Variants in SMPD3 observed in about 807,000 individuals in gnomAD.
SMPD3 encodes the protein nSMase-2.
In SMPD3, 21 loss-of-function variants were observed where a neutral mutation model predicts 55.7. The observed-to-expected ratio is 0.38, with a 90% CI of 0.27 to 0.54. The LOEUF is 0.54. Among genes scored for constraint, SMPD3 ranks in the 20% least tolerant of loss-of-function variants. The probability of loss-of-function intolerance (pLI) is 0.80; values close to 1 mark genes in which losing one functional copy is unlikely to be tolerated. For synonymous variants in SMPD3, 457 were observed against 404.3 expected (o/e 1.13, Z -1.56); for missense variants, 842 against 899.6 (o/e 0.94, Z 0.82).
intron 1 of SMPD3, among the ~76,000 whole-genome samples, chr16:68,400,059 A>C (rs1314306681): frequency 6.6e-6 from 1 of 152,202 alleles, no homozygotes; most frequent in Non-Finnish European, 1.5e-5. Context: ...AAAGCATGCT[A>C]CCAAGATCAC....
chr16:68,425,365 A>G (rs2090427722), intron 1 of SMPD3, among the ~76,000 whole-genome samples: 3 of 152,232 alleles, frequency 2.0e-5, no homozygotes, highest in African/African-American at 7.2e-5. Context: ...CAGGGGCAAG[A>G]GCCCTGCATG....
chr16:68,439,063 A>G (rs199669061), intron 1 of SMPD3, among the ~76,000 whole-genome samples: 7 of 152,176 alleles, frequency 4.6e-5, no homozygotes, highest in Non-Finnish European at 1.0e-4. Context: ...GAGGGTTAGT[A>G]TTGTCTCTAA....
At chr16:68,418,839 G>A (rs1345380989) in intron 1 of SMPD3, among the ~76,000 whole-genome samples, 1 of 152,196 alleles carries the variant, frequency 6.6e-6, no homozygotes, top group Non-Finnish European at 1.5e-5. Flanking sequence ...GTCTAAAGAT[G>A]GGTCTGGACT....
intron 2 of SMPD3, among the ~76,000 whole-genome samples, chr16:68,372,638 A>T (rs1393499428): frequency 1.3e-5 from 2 of 152,162 alleles, no homozygotes; most frequent in Non-Finnish European, 2.9e-5. Context: ...AACCATCTTG[A>T]CCTTGTAACC....
chr16:68,397,293 G>T (rs903518724), intron 1 of SMPD3, among the ~76,000 whole-genome samples: 2 of 152,206 alleles, frequency 1.3e-5, no homozygotes, highest in Admixed American at 6.5e-5. Flanking sequence ...GGGATTCAAG[G>T]TGGATGCTGC....
At chr16:68,389,883 G>A (rs544818284) in intron 1 of SMPD3, among the ~76,000 whole-genome samples, 3 of 152,348 alleles carry the variant, frequency 2.0e-5, no homozygotes, top group South Asian at 2.1e-4. Context: ...CTGGGACCTT[G>A]CACAGGAAAG....
In SMPD3 at chr16:68,404,844, T is replaced by C. The variant is rs959636629; in HGVS notation, c.-268-18185A>G. 2.0e-5 allele frequency among the ~76,000 whole-genome samples: 3 copies of C among 152,196 alleles called. No homozygotes were observed. In the South Asian group the frequency reaches 6.2e-4, roughly 32 times the overall value. On this transcript the variant is annotated intron_variant, in intron 1 of 8. Transcript: ENST00000219334. This position sits in a 1 kb window ranked among gnomAD's most constrained non-coding sequence, Gnocchi z 4.0. ...TCTACTCCAGTGACTTGGAACACTG[T>C]GTGGGAGACTTGTCCTTGGCAGCAG...
chr16:68,417,387 G>C (rs1432363729), intron 1 of SMPD3, among the ~76,000 whole-genome samples: 2 of 152,206 alleles, frequency 1.3e-5, no homozygotes, highest in Non-Finnish European at 1.5e-5. Flanking sequence ...TGGGTTGATT[G>C]ATAGCCTCTT....
At position 68,361,651 on chromosome 16, in the gene SMPD3, G is replaced by T. The variant is rs773382881; in HGVS notation, c.1818C>A (p.Ile606=). The T allele has an allele frequency of 1.2e-6, 2 of 1,611,780 alleles. No individual in the cohort carries two copies. Among genetic ancestry groups the T allele is most frequent in the Non-Finnish European group, 1.7e-6 (2 of 1,179,974 alleles). ...CCTCCTCTGCATGCAGCATGTAGTC[G>T]ATGCGCCGGCCGTTGCCCTTCAGCA... ...KELLKGNGRR[I]DYMLHAEEGL... is the part of the protein sequence containing the mutation. Residue 606 remains isoleucine, a synonymous_variant, in exon 8 of 9, where the codon ATC becomes ATA. Coordinates refer to ENST00000219334, the MANE Select transcript of SMPD3 (RefSeq NM_018667.4).
At chr16:68,396,993 T>C (rs1286081054) in intron 1 of SMPD3, among the ~76,000 whole-genome samples, 1 of 152,204 alleles carries the variant, frequency 6.6e-6, no homozygotes, top group African/African-American at 2.4e-5. Context: ...GCACAACGTC[T>C]TGTTTCATCC....
intron 6 of SMPD3, 62 bp downstream of exon 6, chr16:68,363,715 G>A: frequency 6.7e-7 from 1 of 1,498,044 alleles, no homozygotes; most frequent in Non-Finnish European, 9.0e-7. Context: ...AGGTCCTGGT[G>A]ATCTTTGAGG....
intron 2 of SMPD3, among the ~76,000 whole-genome samples, chr16:68,385,200 T>C (rs1477912324): frequency 1.3e-5 from 2 of 152,322 alleles, no homozygotes; most frequent in Middle Eastern, 3.4e-3. Context: ...GAGAAGTAAA[T>C]GGCAGTCCCT....
chr16:68,445,715 T>C (rs934840638), intron 1 of SMPD3, among the ~76,000 whole-genome samples: 2 of 152,338 alleles, frequency 1.3e-5, no homozygotes, highest in African/African-American at 4.8e-5. Flanking sequence ...AGATAGATGG[T>C]GGCTACATTG....
intron 1 of SMPD3, among the ~76,000 whole-genome samples, chr16:68,402,550 A>G (rs2090219181): frequency 6.6e-6 from 1 of 152,030 alleles, no homozygotes; most frequent in Non-Finnish European, 1.5e-5. Flanking sequence ...GTTATATAGC[A>G]TGGTAGGCGC....
At chr16:68,395,689 C>T (rs1314448329) in intron 1 of SMPD3, among the ~76,000 whole-genome samples, 1 of 152,166 alleles carries the variant, frequency 6.6e-6, no homozygotes, top group Non-Finnish European at 1.5e-5. Flanking sequence ...TAAATTTCAT[C>T]CCGGTGCCTA....
intron 1 of SMPD3, among the ~76,000 whole-genome samples, chr16:68,405,977 C>T (rs1208677471): frequency 1.3e-5 from 2 of 152,216 alleles, no homozygotes; most frequent in African/African-American, 2.4e-5. Flanking sequence ...CGGTTTATCT[C>T]ACTTGATCAT....
intron 1 of SMPD3, among the ~76,000 whole-genome samples, chr16:68,395,476 A>G (rs2090147525): frequency 6.6e-6 from 1 of 152,266 alleles, no homozygotes; most frequent in African/African-American, 2.4e-5. Context: ...AAACGTCATC[A>G]TCTCCAGGGT....
At chr16:68,415,848 C>T (rs1475883444) in intron 1 of SMPD3, among the ~76,000 whole-genome samples, 1 of 147,588 alleles carries the variant, frequency 6.8e-6, no homozygotes, top group Non-Finnish European at 1.5e-5. Context: ...GTCCTAGACC[C>T]TTAGGTATTT....
chr16:68,384,932 A>G (rs892347156), intron 2 of SMPD3, among the ~76,000 whole-genome samples: 2 of 152,058 alleles, frequency 1.3e-5, no homozygotes, highest in Non-Finnish European at 2.9e-5. Flanking sequence ...CCTCAAACTC[A>G]TTCCCTCCCT....
Sources: gnomAD v4.1 joint callset for allele counts (sites outside exome capture counted in the v4.1 genomes callset) on GRCh38, gnomAD v4.1.1 for gene constraint, Gnocchi (gnomAD v3.1) non-coding constraint, MANE v1.5 for transcripts, NCBI Gene and HGNC (gene_info 2026-07-23, HGNC 2026-07-21) for gene names.